The following TTLL6 variants were observed in gnomAD, a reference collection of about 807,000 sequenced individuals.
TTLL6 encodes the protein tubulin polyglutamylase TTLL6.
A neutral mutation model predicts 96.4 loss-of-function variants in TTLL6; 75 were observed. That is an observed-to-expected ratio of 0.78 (90% CI 0.65 to 0.94). TTLL6 has a LOEUF of 0.94. TTLL6 is among the 40% of genes least tolerant of loss of function. The probability of loss-of-function intolerance (pLI) is 0.00; values close to 1 mark genes in which losing one functional copy is unlikely to be tolerated. For synonymous variants in TTLL6, 411 were observed against 419.4 expected (o/e 0.98, Z 0.24); for missense variants, 1,030 against 1,093.0 (o/e 0.94, Z 0.81).
At position 48,814,318 on chromosome 17, in the gene TTLL6, CA is replaced by C. The variant is rs398030988; in HGVS notation, c.103+2651del. 8.4e-3 allele frequency among the ~76,000 whole-genome samples: 446 copies of C among 52,840 alleles called. 1 individual carries two copies. The highest frequency in any genetic ancestry group is 0.029 in the Middle Eastern group (2 of 68). 34.7% of individuals were successfully genotyped at this position (52,840 alleles called of 152,430 possible). On this transcript the variant is annotated intron_variant, in intron 1 of 15. Coordinates refer to ENST00000393382, the MANE Select transcript of TTLL6 (RefSeq NM_001130918.3). The stretch of plus-strand genomic sequence containing the variant: ...TGGGTGACAGAGGGAGACAGTGTCT[CA>C]AAAAAAAAAAAAAAAAAAAAAAGAC...
In TTLL6 at chr17:48,790,058, C is replaced by T; in HGVS notation, c.1273G>A (p.Val425Met). Reference protein sequence around the residue: ...FSTDSRLDKEVKDGLLYDTLV... With the variant: ...FSTDSRLDKEMKDGLLYDTLV... ...GTGTCATACAGCAGACCATCTTTCA[C>T]CTCTTTATCCAACCGAGAGTCGGTG... The change falls in exon 10 of 16, where the codon GTG becomes ATG. Residue 425 changes from valine to methionine, a missense_variant. By Grantham distance (21) the Val-to-Met change is conservative (BLOSUM62 1). Coordinates refer to ENST00000393382, the MANE Select transcript of TTLL6 (RefSeq NM_001130918.3). 1.2e-6 allele frequency: 2 copies of T among 1,614,166 alleles called. No individual in the cohort carries two copies. Among genetic ancestry groups the T allele is most frequent in the Non-Finnish European group, 1.7e-6 (2 of 1,180,016 alleles).
chr17:48,785,296 G>C, intron 12 of TTLL6, 95 bp from the exon 13 acceptor site: 3 of 1,553,474 alleles, frequency 1.9e-6, no homozygotes, highest in Non-Finnish European at 2.6e-6. Flanking sequence ...AAAAAGAGAT[G>C]AGGAGAAGGA....
Position 48,772,031 on chromosome 17 carries a change from C to T in TTLL6, c.2041-1934G>A, listed in dbSNP as rs12602011. Among the ~76,000 whole-genome samples the T allele has an allele frequency of 6.7e-3, 1,011 of 152,024 alleles. 41 individuals carry two copies. In the East Asian group the frequency reaches 0.092, roughly 14 times the overall value. ...CAGAGGTTGCAGTGAGCTGAGATTG[C>T]GCCACTGCACTCCAGAAGCCTGGGT... On this transcript the variant is annotated intron_variant, in intron 13 of 15. Coordinates refer to ENST00000393382, the MANE Select transcript of TTLL6 (RefSeq NM_001130918.3).
chr17:48,769,531 A>T (rs1375185111), intron 14 of TTLL6, among the ~76,000 whole-genome samples, 197 bp downstream of exon 14: 2 of 152,244 alleles, frequency 1.3e-5, no homozygotes. Flanking sequence ...ATCTGTTTTT[A>T]TCTTTTTTGT....
chr17:48,769,482 T>C (rs1475383703), intron 14 of TTLL6, among the ~76,000 whole-genome samples: 1 of 152,238 alleles, frequency 6.6e-6, no homozygotes, highest in African/African-American at 2.4e-5. Context: ...CTCATGTGAA[T>C]GAGAACCAGG....
chr17:48,782,744 C>T (rs552656054), intron 13 of TTLL6, among the ~76,000 whole-genome samples: 2 of 151,442 alleles, frequency 1.3e-5, no homozygotes, highest in Middle Eastern at 3.2e-3. Context: ...GACAGAGTCT[C>T]GCTCTGTCAC....
chr17:48,768,013 T>C (rs2038649602), intron 15 of TTLL6, among the ~76,000 whole-genome samples: 1 of 152,216 alleles, frequency 6.6e-6, no homozygotes, highest in African/African-American at 2.4e-5. Flanking sequence ...ACTATCTCAA[T>C]TTTAGCCATA....
chr17:48,800,614 G>A (rs2143437225), intron 5 of TTLL6, among the ~76,000 whole-genome samples: 1 of 152,174 alleles, frequency 6.6e-6, no homozygotes, highest in Non-Finnish European at 1.5e-5. Flanking sequence ...GAGAGGGGAG[G>A]GTAGAATTCC....
At chr17:48,801,474 C>G in intron 4 of TTLL6, 51 bp downstream of exon 4, 1 of 1,550,924 alleles carries the variant, frequency 6.4e-7, no homozygotes, top group East Asian at 2.4e-5. Flanking sequence ...AATGGGGCCC[C>G]GCCGGGTAAG....
intron 1 of TTLL6, among the ~76,000 whole-genome samples, chr17:48,810,285 C>T (rs569614661): frequency 5.9e-5 from 9 of 152,250 alleles, no homozygotes; most frequent in African/African-American, 2.2e-4. Context: ...TTATTGCCTG[C>T]ATTTCCTCGT....
intron 13 of TTLL6, among the ~76,000 whole-genome samples, chr17:48,780,041 G>A (rs865848816): frequency 2.6e-5 from 4 of 151,816 alleles, no homozygotes; most frequent in Middle Eastern, 6.8e-3. Context: ...AAAATTGTAC[G>A]GTGAAGATTT....
intron 9 of TTLL6, 114 bp from the exon 10 acceptor site, chr17:48,790,220 C>T (rs2039193832): frequency 4.4e-6 from 5 of 1,130,890 alleles, no homozygotes; most frequent in Non-Finnish European, 5.0e-6. Flanking sequence ...GCCCTCACTA[C>T]CAAGATGAAA....
chr17:48,780,077 A>G (rs1205048982), intron 13 of TTLL6, among the ~76,000 whole-genome samples: 4 of 152,096 alleles, frequency 2.6e-5, no homozygotes, highest in African/African-American at 7.2e-5. Flanking sequence ...TAGGGAAAAA[A>G]TAGGGCTCAG....
At chr17:48,774,096 CAAAAA>C (rs1286139436) in intron 13 of TTLL6, among the ~76,000 whole-genome samples, 8 of 44,232 alleles carry the variant, frequency 1.8e-4, no homozygotes, top group South Asian at 6.3e-4. Context: ...AAAAACAAAA[CAAAAA>C]AAAAAAAAAA....
intron 1 of TTLL6, among the ~76,000 whole-genome samples, chr17:48,811,462 C>T (rs539771937): frequency 1.3e-5 from 2 of 151,996 alleles, no homozygotes; most frequent in South Asian, 2.1e-4. Context: ...AATGCCTGGC[C>T]TCAGGAGATC....
chr17:48,780,474 A>G (rs948162966), intron 13 of TTLL6, among the ~76,000 whole-genome samples: 1 of 152,222 alleles, frequency 6.6e-6, no homozygotes, highest in African/African-American at 2.4e-5. Flanking sequence ...CCAAAGCATA[A>G]TCTCTATTTT....
chr17:48,815,045 T>C (rs1369654198), intron 1 of TTLL6, among the ~76,000 whole-genome samples: 20 of 152,236 alleles, frequency 1.3e-4, no homozygotes. Context: ...CCCAAAGTGC[T>C]GGGATTACAA....
intron 1 of TTLL6, among the ~76,000 whole-genome samples, chr17:48,815,096 C>A (rs186761334): frequency 1.9e-4 from 29 of 152,196 alleles, no homozygotes; most frequent in Non-Finnish European, 3.8e-4. Context: ...ATTTCTTTTG[C>A]AAAACTGAAT....
chr17:48,796,054 T>G lies in TTLL6; in HGVS notation c.998+7A>C. On this transcript the variant is annotated splice_region_variant and intron_variant, in intron 8 of 15. Coordinates refer to ENST00000393382, the MANE Select transcript of TTLL6 (RefSeq NM_001130918.3). ...GAAAGGAAAGAAAAATGAAGCCTCT[T>G]CCTTACCTCTTACTGCCAGAGTGTG... 6.4e-7 allele frequency: 1 copy of G among 1,550,486 alleles called. No individual in the cohort carries two copies. Among genetic ancestry groups the G allele is most frequent in the South Asian group, 1.2e-5 (1 of 83,936 alleles).
Sources: allele counts gnomAD v4.1 joint callset (sites outside exome capture counted in the v4.1 genomes callset), GRCh38; gene constraint gnomAD v4.1.1; transcripts MANE v1.5; gene names NCBI Gene and HGNC (gene_info 2026-07-23, HGNC 2026-07-21).